NOTCH3: variants seen among roughly 807,000 people sequenced by gnomAD.
NOTCH3 encodes the protein neurogenic locus notch homolog protein 3.
A neutral mutation model predicts 213.3 loss-of-function variants in NOTCH3; 86 were observed. The observed-to-expected ratio is 0.40, with a 90% confidence interval of 0.34 to 0.48. The LOEUF (loss-of-function observed/expected upper bound fraction) is 0.48, where lower values mean the gene tolerates loss of function less well. Among genes scored for constraint, NOTCH3 ranks in the 20% least tolerant of loss-of-function variants. The probability of loss-of-function intolerance (pLI) is 0.57; values close to 1 mark genes in which losing one functional copy is unlikely to be tolerated. For synonymous variants in NOTCH3, 1,354 were observed against 1,355.9 expected (o/e 1.00, Z 0.03); for missense variants, 2,783 against 3,272.6 (o/e 0.85, Z 3.65).
chr19:15,165,549 A>G lies in NOTCH3; in HGVS notation c.5668-34T>C. ...GAGAGTGGATGCAGCAGGAGGGGTC[A>G]TGGCAGGAACAGAGGAATCAGGAGC... On this transcript the variant is annotated intron_variant, in intron 30 of 32. Transcript: ENST00000263388. The surrounding 1 kb of genome is among the most constrained non-coding windows in gnomAD (Gnocchi z 4.7). The G allele has an allele frequency of 6.2e-7, 1 of 1,606,822 alleles. No individual in the cohort carries two copies. Among genetic ancestry groups the G allele is most frequent in the Non-Finnish European group, 8.5e-7 (1 of 1,179,678 alleles).
At position 15,185,207 on chromosome 19, in the gene NOTCH3, A is replaced by G; in HGVS notation, c.2296+50T>C. Reference sequence around the variant, plus strand: ...GAGAGAGTAGAGGAGAAGAGAGATGAGAAGGCCCATGGTGTTGGTGGGGCT... The same window carrying G: ...GAGAGAGTAGAGGAGAAGAGAGATGGGAAGGCCCATGGTGTTGGTGGGGCT... On this transcript the variant is annotated intron_variant, in intron 14 of 32. Transcript: ENST00000263388. This position sits in a 1 kb window ranked among gnomAD's most constrained non-coding sequence, Gnocchi z 4.2. 6.2e-7 allele frequency: 1 copy of G among 1,602,124 alleles called. No homozygotes were observed. Among genetic ancestry groups the G allele is most frequent in the Non-Finnish European group, 8.5e-7 (1 of 1,170,524 alleles).
At chr19:15,197,316 A>G (rs1483406694) in intron 2 of NOTCH3, among the ~76,000 whole-genome samples, 184 bp downstream of exon 2, 1 of 152,222 alleles carries the variant, frequency 6.6e-6, no homozygotes, top group Non-Finnish European at 1.5e-5. Flanking sequence ...ACCCATGCCA[A>G]GAAGAGTGCA....
chr19:15,167,224 CT>C lies in NOTCH3; in HGVS notation c.5362+24del, dbSNP rs534191120. On this transcript the variant is annotated intron_variant, in intron 29 of 32. Coordinates refer to ENST00000263388, the MANE Select transcript of NOTCH3 (RefSeq NM_000435.3). The stretch of plus-strand genomic sequence containing the variant: ...CAGGTAGGATGGGTGAGGGGCATCC[CT>C]TTGGGAGGGGCACTGTCACTAACCT... 86 of 1,606,454 alleles carry C rather than the reference CT, an allele frequency of 5.4e-5. No homozygotes were observed. In the African/African-American group the frequency reaches 9.6e-4, roughly 18 times the overall value.
At chr19:15,197,373 G>T in intron 2 of NOTCH3, 127 bp downstream of exon 2, 1 of 886,014 alleles carries the variant, frequency 1.1e-6, no homozygotes, top group Non-Finnish European at 1.8e-6. Flanking sequence ...GGTTGCCCAA[G>T]CCACACACAT....
intron 28 of NOTCH3, 85 bp downstream of exon 28, chr19:15,170,001 A>G: frequency 1.3e-6 from 1 of 746,772 alleles, no homozygotes; most frequent in Non-Finnish European, 2.4e-6. Flanking sequence ...TCCCCTGATC[A>G]CGCCCATCAT....
intron 31 of NOTCH3, among the ~76,000 whole-genome samples, chr19:15,163,866 C>A (rs1568346727): frequency 6.6e-6 from 1 of 151,986 alleles, no homozygotes; most frequent in Non-Finnish European, 1.5e-5. Flanking sequence ...TCCATCGACA[C>A]AATGGATTAT....
intron 10 of NOTCH3, 67 bp downstream of exon 10, chr19:15,187,814 T>G: frequency 7.7e-7 from 1 of 1,292,804 alleles, no homozygotes; most frequent in Non-Finnish European, 1.1e-6. Flanking sequence ...CCCAAGTCTG[T>G]TATTGGCCCT....
Position 15,177,837 on chromosome 19 carries a change from G to T in NOTCH3, c.4091C>A (p.Ala1364Glu). Residue 1364 changes from alanine (A) to glutamate (E), a missense_variant, in exon 24 of 33, where the codon GCG becomes GAG. By Grantham distance (107) the Ala-to-Glu change is moderately radical. This residue lies in a region of NOTCH3 where 133 missense variants were observed against 201.9 expected (regional missense o/e 0.66). Coordinates refer to ENST00000263388, the MANE Select transcript of NOTCH3 (RefSeq NM_000435.3). ...GCAGCGCGGCCCGGTCCAGCCCTGC[G>T]CGCAAGCGCAGCGGAAGAAGGGCGC... ...PLAPFFRCACAQGWTGPRCEA... is the reference protein window; with the variant it reads ...PLAPFFRCACEQGWTGPRCEA... 8.2e-7 allele frequency: 1 copy of T among 1,220,814 alleles called. No homozygotes were observed. Among genetic ancestry groups the T allele is most frequent in the Non-Finnish European group, 1.0e-6 (1 of 982,830 alleles). The allele number at this position is 1,220,814 out of a possible 1,614,324, so 75.6% of individuals were successfully genotyped here.
intron 2 of NOTCH3, 96 bp from the exon 3 acceptor site, chr19:15,192,615 G>A (rs921975600): frequency 6.7e-7 from 1 of 1,493,982 alleles, no homozygotes; most frequent in South Asian, 1.2e-5. Context: ...CAGGGAAACA[G>A]AGCAGCAAAC....
In NOTCH3 at chr19:15,174,101, C is replaced by G; in HGVS notation, c.4703G>C (p.Arg1568Pro). The G allele has an allele frequency of 6.3e-7, 1 of 1,592,484 alleles. No homozygotes were observed. The highest frequency in any genetic ancestry group is 8.6e-7 in the Non-Finnish European group (1 of 1,165,432). ...YHRPSPGSEP[R>P]ARRELAPEVI... Reference sequence around the variant, plus strand: ...CTCGGGGGCCAGCTCCCGACGGGCCCGGGGTTCGGAGCCAGGACTAGGCCG... The same window carrying G: ...CTCGGGGGCCAGCTCCCGACGGGCCGGGGGTTCGGAGCCAGGACTAGGCCG... The change falls in exon 25 of 33, where the codon CGG (arginine) becomes CCG (proline). Residue 1568 changes from arginine (R) to proline (P), a missense_variant. Transcript: ENST00000263388.
chr19:15,162,121 A>G (rs1300091925), intron 32 of NOTCH3, among the ~76,000 whole-genome samples: 1 of 150,962 alleles, frequency 6.6e-6, no homozygotes, highest in Non-Finnish European at 1.5e-5. Context: ...AGCTGGGACT[A>G]CAGGTGTGCA....
intron 23 of NOTCH3, 97 bp from the exon 24 acceptor site, chr19:15,178,187 G>A: frequency 2.8e-6 from 2 of 708,488 alleles, no homozygotes; most frequent in South Asian, 1.8e-5. Flanking sequence ...GAAGAGTCAA[G>A]GGGAGAGAGG....
rs755095681 is a variant in NOTCH3, at chr19:15,191,876, G to C, written c.680-9C>G. 30 of 1,613,914 alleles carry C rather than the reference G, an allele frequency of 1.9e-5. No individual in the cohort carries two copies. Among genetic ancestry groups the C allele is most frequent in the Non-Finnish European group, 1.4e-5 (16 of 1,180,046 alleles). Reference sequence around the variant, plus strand: ...ATTCTGACCCTCAAACCCTAGCAGGGAAGGGGGCAAGGATGGTCACCGCCG... The same window carrying C: ...ATTCTGACCCTCAAACCCTAGCAGGCAAGGGGGCAAGGATGGTCACCGCCG... On this transcript the variant is annotated splice_polypyrimidine_tract_variant and intron_variant, in intron 4 of 32. Transcript: ENST00000263388.
chr19:15,187,365 G>A (rs2046891698), intron 10 of NOTCH3, 27 bp from the exon 11 acceptor site: 1 of 1,597,276 alleles, frequency 6.3e-7, no homozygotes, highest in Non-Finnish European at 8.6e-7. Context: ...GTCAGGCTCC[G>A]CCCACTTGCC....
At chr19:15,175,371 T>C (rs2046778815) in intron 24 of NOTCH3, among the ~76,000 whole-genome samples, 1 of 146,268 alleles carries the variant, frequency 6.8e-6, no homozygotes. Flanking sequence ...CCGTCTCTAC[T>C]AAAAATACAA....
chr19:15,188,643 G>A (rs1020527138), intron 8 of NOTCH3, among the ~76,000 whole-genome samples: 8 of 151,644 alleles, frequency 5.3e-5, no homozygotes, highest in Admixed American at 2.0e-4. Flanking sequence ...CAGCCCCAGG[G>A]CCCCCCATAG....
rs989934062 is a variant in NOTCH3, at chr19:15,160,117, C to T, written c.*545G>A. 2.1e-5 allele frequency: 5 copies of T among 234,766 alleles called. No individual in the cohort carries two copies. The highest frequency in any genetic ancestry group is 6.6e-5 in the African/African-American group (3 of 45,436). 14.5% of individuals were successfully genotyped at this position (234,766 alleles called of 1,614,324 possible). A position where few individuals can be genotyped will look rare whatever the true frequency, so the allele number is the denominator to read the frequency against. On this transcript the variant is annotated 3_prime_UTR_variant, in exon 33 of 33. Transcript: ENST00000263388. ...TTGGTACATACCTGGGTCGTGTACT[C>T]GGTACACGGGATCCCAGTCATGCCT...
At chr19:15,163,929 A>G (rs936120696) in intron 31 of NOTCH3, among the ~76,000 whole-genome samples, 80 of 152,330 alleles carry the variant, frequency 5.3e-4, no homozygotes, top group African/African-American at 1.8e-3. Flanking sequence ...CATAATGCTA[A>G]CTGAAAAAAA....
intron 25 of NOTCH3, among the ~76,000 whole-genome samples, chr19:15,173,175 A>C (rs1382235926): frequency 7.5e-6 from 1 of 133,888 alleles, no homozygotes; most frequent in Non-Finnish European, 1.6e-5. Context: ...TAATCCCAGC[A>C]CTTTGGGAGG....
Sources: gnomAD v4.1 joint callset for allele counts (sites outside exome capture counted in the v4.1 genomes callset) on GRCh38, gnomAD v4.1.1 for gene constraint, gnomAD v4.1.1 regional missense constraint, Gnocchi (gnomAD v3.1) non-coding constraint, MANE v1.5 for transcripts, NCBI Gene and HGNC (gene_info 2026-07-23, HGNC 2026-07-21) for gene names.